The following FBXW7 variants were observed in gnomAD, a reference collection of about 807,000 sequenced individuals.
FBXW7 encodes the protein F-box/WD repeat-containing protein 7.
A neutral mutation model predicts 86.3 loss-of-function variants in FBXW7; 11 were observed. That is an observed-to-expected ratio of 0.13 (90% CI 0.08 to 0.21). The LOEUF is 0.21. Among genes scored for constraint, FBXW7 ranks in the 10% least tolerant of loss-of-function variants. The pLI, the probability that FBXW7 is intolerant of heterozygous loss-of-function variation, is 1.00. For missense variants in FBXW7, 488 were observed against 847.4 expected, an observed-to-expected ratio of 0.58 and a Z score of 5.27; for synonymous variants, 313 against 297.9, an observed-to-expected ratio of 1.05 and a Z score of -0.52.
chr4:152,462,407 T>C (rs1743031364), intron 2 of FBXW7, among the ~76,000 whole-genome samples: 2 of 152,228 alleles, frequency 1.3e-5, no homozygotes, highest in Non-Finnish European at 2.9e-5. Context: ...CTGCCTGTTT[T>C]TACACTGGGT....
intron 2 of FBXW7, among the ~76,000 whole-genome samples, chr4:152,434,369 G>A (rs550313239): frequency 6.6e-6 from 1 of 152,286 alleles, no homozygotes; most frequent in South Asian, 2.1e-4. Flanking sequence ...AGTAGTTTTT[G>A]CTTTCTTCAT....
chr4:152,467,451 C>T (rs1018919867), intron 2 of FBXW7, among the ~76,000 whole-genome samples: 4 of 152,070 alleles, frequency 2.6e-5, no homozygotes, highest in Admixed American at 1.3e-4. Context: ...TTATCAGCAG[C>T]GTGAGAACGG....
At chr4:152,514,018 A>G (rs1422089938) in intron 2 of FBXW7, among the ~76,000 whole-genome samples, 2 of 152,258 alleles carry the variant, frequency 1.3e-5, no homozygotes, top group Non-Finnish European at 1.5e-5. Context: ...AATTTTAAAT[A>G]TCAAAGTCTT....
chr4:152,416,775 A>G (rs1017179852), intron 2 of FBXW7, among the ~76,000 whole-genome samples: 11 of 152,300 alleles, frequency 7.2e-5, no homozygotes, highest in African/African-American at 2.6e-4. Context: ...AAAGGATGCA[A>G]AAGACTATTC....
intron 2 of FBXW7, among the ~76,000 whole-genome samples, chr4:152,425,506 C>G (rs1739303896): frequency 6.6e-6 from 1 of 152,052 alleles, no homozygotes; most frequent in South Asian, 2.1e-4. Context: ...AAGTATAACT[C>G]CTAAACTCCT....
intron 2 of FBXW7, among the ~76,000 whole-genome samples, chr4:152,443,857 A>C (rs1385388448): frequency 2.6e-5 from 4 of 152,186 alleles, no homozygotes; most frequent in Admixed American, 2.6e-4. Context: ...CTGTTTTATT[A>C]ATTTACTTTG....
At position 152,321,805 on chromosome 4, in the gene FBXW7, A is replaced by G; in HGVS notation, c.*1076T>C. 1.3e-5 allele frequency: 3 copies of G among 232,906 alleles called. No individual in the cohort carries two copies. The highest frequency in any genetic ancestry group is 2.6e-5 in the Non-Finnish European group (3 of 117,526). The allele number at this position is 232,906 out of a possible 1,614,324, so 14.4% of individuals were successfully genotyped here. A position where few individuals can be genotyped will look rare whatever the true frequency, so the allele number is the denominator to read the frequency against. ...AAGTTTCTCCACAGAACAGGCAAGT[A>G]ATAGCTCTGTTCCAAGGAATGTGTT... On this transcript the variant is annotated 3_prime_UTR_variant, in exon 14 of 14. Coordinates refer to ENST00000281708, the MANE Select transcript of FBXW7 (RefSeq NM_001349798.2).
chr4:152,379,138 A>C (rs1225705520), intron 4 of FBXW7, among the ~76,000 whole-genome samples: 1 of 152,178 alleles, frequency 6.6e-6, no homozygotes, highest in Non-Finnish European at 1.5e-5. Context: ...TCCTTATTTC[A>C]TATATGCTTA....
chr4:152,519,315 T>TAAAGAAAG (rs1251158666), intron 2 of FBXW7, among the ~76,000 whole-genome samples: 1 of 149,178 alleles, frequency 6.7e-6, no homozygotes, highest in African/African-American at 2.5e-5. Context: ...AATAAATAAA[T>TAAAGAAAG]AAATAAAGAA....
chr4:152,336,504 C>A (rs560839130), intron 7 of FBXW7, among the ~76,000 whole-genome samples: 1 of 152,080 alleles, frequency 6.6e-6, no homozygotes, highest in Admixed American at 6.5e-5. Context: ...GAGGATATCA[C>A]TAAGTAAACT....
intron 4 of FBXW7, among the ~76,000 whole-genome samples, chr4:152,396,220 T>A (rs1736407968): frequency 6.6e-6 from 1 of 151,962 alleles, no homozygotes; most frequent in Non-Finnish European, 1.5e-5. Context: ...TTTCCAAACC[T>A]CTGACTTCTG....
intron 2 of FBXW7, among the ~76,000 whole-genome samples, chr4:152,506,851 GA>G (rs369194528): frequency 1.8e-4 from 28 of 152,318 alleles, no homozygotes; most frequent in Non-Finnish European, 3.5e-4. Context: ...ACTAGCAGGG[GA>G]CCACACTTTG....
intron 2 of FBXW7, among the ~76,000 whole-genome samples, chr4:152,464,183 A>T (rs1172739325): frequency 1.3e-5 from 2 of 152,210 alleles, no homozygotes. Context: ...AACTTCAGAA[A>T]GTAATTGAGT....
intron 10 of FBXW7, 45 bp downstream of exon 10, chr4:152,329,627 T>C: frequency 2.1e-6 from 2 of 960,226 alleles, no homozygotes; most frequent in Non-Finnish European, 1.5e-6. Context: ...TGCAATGATA[T>C]ACACAAAATT....
At chr4:152,337,985 T>TTACA (rs1730328933) in intron 6 of FBXW7, 49 bp from the exon 7 acceptor site, 1 of 1,557,308 alleles carries the variant, frequency 6.4e-7, no homozygotes, top group East Asian at 2.2e-5. Context: ...ATGTCCCAAA[T>TTACA]TACAGGCTTA....
chr4:152,458,415 A>C (rs1185418053), intron 2 of FBXW7, among the ~76,000 whole-genome samples: 3 of 152,218 alleles, frequency 2.0e-5, no homozygotes, highest in African/African-American at 7.2e-5. Context: ...GCATCTAACA[A>C]ATTTTTCACT....
At chr4:152,455,079 C>G (rs925964322) in intron 2 of FBXW7, among the ~76,000 whole-genome samples, 1 of 152,012 alleles carries the variant, frequency 6.6e-6, no homozygotes, top group Non-Finnish European at 1.5e-5. Context: ...TGTAAAAAGA[C>G]TTTAATAATA....
intron 2 of FBXW7, among the ~76,000 whole-genome samples, chr4:152,438,117 C>T (rs962130985): frequency 3.3e-5 from 5 of 151,938 alleles, no homozygotes; most frequent in East Asian, 1.9e-4. Context: ...GAGGTTACAG[C>T]GAGCCAATAC....
At chr4:152,484,852 C>T (rs1467122677) in intron 2 of FBXW7, among the ~76,000 whole-genome samples, 2 of 151,398 alleles carry the variant, frequency 1.3e-5, no homozygotes, top group Non-Finnish European at 2.9e-5. Context: ...ATCCCAGCTA[C>T]TTGGGAAGCT....
Sources: gnomAD v4.1 joint callset for allele counts (sites outside exome capture counted in the v4.1 genomes callset) on GRCh38, gnomAD v4.1.1 for gene constraint, MANE v1.5 for transcripts, NCBI Gene and HGNC (gene_info 2026-07-23, HGNC 2026-07-21) for gene names.